The following ABCC6 variants were observed in gnomAD, a reference collection of about 807,000 sequenced individuals.
ABCC6 encodes ATP binding cassette subfamily C member 6.
In ABCC6, 126 loss-of-function variants were observed where a neutral mutation model predicts 169.5. The ratio of observed to expected loss-of-function variants is 0.74; its 90% CI spans 0.64 to 0.86. The LOEUF (loss-of-function observed/expected upper bound fraction) is 0.86. Among genes scored for constraint, ABCC6 ranks in the 40% least tolerant of loss-of-function variants. The probability of loss-of-function intolerance (pLI) is 0.00; values close to 1 mark genes in which losing one functional copy is unlikely to be tolerated. For synonymous variants in ABCC6, 752 were observed against 814.7 expected (o/e 0.92, Z 1.31); for missense variants, 1,733 against 1,927.2 (o/e 0.90, Z 1.89).
chr16:16,182,755 G>A, intron 16 of ABCC6, 49 bp downstream of exon 16: 1 of 1,612,172 alleles, frequency 6.2e-7, no homozygotes. Context: ...GAGGAAGTGG[G>A]ACTTTCAGGA....
Position 16,173,308 on chromosome 16 carries a change from T to C in ABCC6, c.2763A>G (p.Gly921=). The part of the protein sequence containing the change: ...DDPDRAGWPA[G]KDSIQYGRVK... ...CCCTGCCGTATTGGATGCTGTCCTT[T>C]CCTGCTGGCCATCCTGCCCTGTCAG... The change falls in exon 21 of 31, where the codon GGA becomes GGG. Residue 921 remains glycine (G), a synonymous_variant. Coordinates refer to ENST00000205557, the MANE Select transcript of ABCC6 (RefSeq NM_001171.6). 6.2e-7 allele frequency: 1 copy of C among 1,614,078 alleles called. No individual in the cohort carries two copies. Among genetic ancestry groups the C allele is most frequent in the Non-Finnish European group, 8.5e-7 (1 of 1,180,024 alleles).
chr16:16,155,319 C>T, intron 27 of ABCC6: 1 of 541,480 alleles, frequency 1.8e-6, no homozygotes, highest in Non-Finnish European at 3.3e-6. Context: ...TCTATTTACA[C>T]CTCTCCATCA....
intron 26 of ABCC6, among the ~76,000 whole-genome samples, chr16:16,158,678 TTGC>T (rs1235502311): frequency 6.6e-6 from 1 of 152,254 alleles, no homozygotes; most frequent in Non-Finnish European, 1.5e-5. Context: ...TACTGTTATG[TTGC>T]TGGAATTTTG....
chr16:16,183,307 C>T (rs142739312), intron 15 of ABCC6, among the ~76,000 whole-genome samples: 190 of 152,282 alleles, frequency 1.2e-3, no homozygotes, highest in African/African-American at 4.3e-3. Context: ...ACAGGGTTGA[C>T]TATAGCCTGA....
intron 14 of ABCC6, among the ~76,000 whole-genome samples, chr16:16,186,588 G>A (rs2047659550): frequency 6.6e-6 from 1 of 150,636 alleles, no homozygotes; most frequent in Non-Finnish European, 1.5e-5. Context: ...TCTGGGTTGC[G>A]TGTTCCTTAT....
In ABCC6 at chr16:16,159,484, C is replaced by T. The variant is rs2046645244; in HGVS notation, c.3733G>A (p.Glu1245Lys). ...RMQDYAWTPK[E>K]APWRLPTCAA... is the part of the protein sequence containing the mutation. ...CCTCCCCACCTCCCGCCCATCACCT[C>T]CTTGGGCGTCCAGGCATAGTCCTGC... is the stretch of plus-strand genomic sequence containing the variant. The change falls in exon 26 of 31, where the codon GAG (glutamate) becomes AAG (lysine). Residue 1245 changes from glutamate to lysine, a missense_variant and splice_region_variant. Coordinates refer to ENST00000205557, the MANE Select transcript of ABCC6 (RefSeq NM_001171.6). 1 of 1,613,944 alleles carries T rather than the reference C, an allele frequency of 6.2e-7. No individual in the cohort carries two copies.
At chr16:16,152,905 T>G (rs2856583) in intron 29 of ABCC6, among the ~76,000 whole-genome samples, 1 of 127,490 alleles carries the variant, frequency 7.8e-6, no homozygotes, top group Non-Finnish European at 1.8e-5. Context: ...GGTTTTTTTT[T>G]GTTTTTTTTG....
At chr16:16,207,682 A>G (rs920437911) in intron 7 of ABCC6, among the ~76,000 whole-genome samples, 2 of 152,248 alleles carry the variant, frequency 1.3e-5, no homozygotes, top group Non-Finnish European at 2.9e-5. Context: ...TAAAACACCA[A>G]GATCCGGTGA....
At chr16:16,199,838 C>T (rs1488001844) in intron 9 of ABCC6, among the ~76,000 whole-genome samples, 4 of 149,436 alleles carry the variant, frequency 2.7e-5, no homozygotes, top group African/African-American at 7.3e-5. Context: ...GAGGCTGAGG[C>T]GGGTGGATTG....
At chr16:16,215,181 C>G (rs1230910762) in intron 4 of ABCC6, among the ~76,000 whole-genome samples, 1 of 152,186 alleles carries the variant, frequency 6.6e-6, no homozygotes. Context: ...TGACCCTGCC[C>G]TGAGCACATG....
At position 16,159,092 on chromosome 16, in the gene ABCC6, A is replaced by T. The variant is rs116988424; in HGVS notation, c.3735+390T>A. On this transcript the variant is annotated intron_variant, in intron 26 of 30. Transcript: ENST00000205557. ...ATTCTGGTACTGCAATATTGTGGTT[A>T]TGTTGCTGTTACATTACTGTTACAT... Among the ~76,000 whole-genome samples the T allele has an allele frequency of 1.2e-4, 19 of 152,234 alleles. No homozygotes were observed. In the East Asian group the frequency reaches 3.3e-3, roughly 26 times the overall value.
At chr16:16,188,449 C>T (rs139650392) in intron 13 of ABCC6, among the ~76,000 whole-genome samples, 1,592 of 152,066 alleles carry the variant, frequency 0.01, 14 homozygotes, top group Non-Finnish European at 0.017. Context: ...TCAGGTATGC[C>T]GCCGTTTCTT....
chr16:16,199,474 C>T lies in ABCC6; in HGVS notation c.1177-1292G>A, dbSNP rs763203230. ...AGACCTTTCATGTGCTTCTGTGACA[C>T]CAACCTGGTTCTCTGGCAGCCTCAC... On this transcript the variant is annotated intron_variant, in intron 9 of 30. Transcript: ENST00000205557. Among the ~76,000 whole-genome samples the T allele has an allele frequency of 1.9e-4, 24 of 127,410 alleles. 6 individuals carry two copies. Among genetic ancestry groups the T allele is most frequent in the Non-Finnish European group, 3.3e-4 (18 of 54,950 alleles). The allele number at this position is 127,410 out of a possible 152,430, so 83.6% of individuals were successfully genotyped here.
Position 16,159,943 on chromosome 16 carries a change from C to T in ABCC6, c.3634-360G>A, listed in dbSNP as rs1018633023. ...TTCCATTCTGACGGCTTTCTCGCAG[C>T]GACTGGGTGGCCACCAATTTCCCAT... On this transcript the variant is annotated intron_variant, in intron 25 of 30. Coordinates refer to ENST00000205557, the MANE Select transcript of ABCC6 (RefSeq NM_001171.6). Among the ~76,000 whole-genome samples the T allele has an allele frequency of 3.9e-5, 6 of 152,230 alleles. No individual in the cohort carries two copies. In the South Asian group the frequency reaches 6.2e-4, roughly 16 times the overall value.
At position 16,212,242 on chromosome 16, in the gene ABCC6, G is replaced by C. The variant is rs1380082105; in HGVS notation, c.605C>G (p.Pro202Arg). Residue 202 changes from proline to arginine, a missense_variant, in exon 6 of 31, where the codon CCC (proline) becomes CGC (arginine). This residue lies in a region of ABCC6 where 49 missense variants were observed against 85.8 expected (regional missense o/e 0.57). Transcript: ENST00000205557. ...FFPEDPQQSN[P>R]CPETGAAFPS... ...GAAGGCTGCCCCAGTCTCTGGACAG[G>C]GGTTCTGCAACAGACAAAAATGGAG... 2 of 858,842 alleles carry C rather than the reference G, an allele frequency of 2.3e-6. No homozygotes were observed. The highest frequency in any genetic ancestry group is 2.0e-6 in the Non-Finnish European group (1 of 507,924). 53.2% of individuals were successfully genotyped at this position (858,842 alleles called of 1,614,324 possible). A position where few individuals can be genotyped will look rare whatever the true frequency, so the allele number is the denominator to read the frequency against.
chr16:16,158,493 C>A (rs1398815710), intron 26 of ABCC6, among the ~76,000 whole-genome samples: 1 of 152,078 alleles, frequency 6.6e-6, no homozygotes, highest in African/African-American at 2.4e-5. Context: ...TTCTTCCATC[C>A]CATTCCATCC....
intron 7 of ABCC6, among the ~76,000 whole-genome samples, chr16:16,203,858 T>A (rs1035280476): frequency 6.6e-6 from 1 of 152,064 alleles, no homozygotes; most frequent in African/African-American, 2.4e-5. Context: ...AGCACACCTG[T>A]TGAGCACCTA....
At chr16:16,178,707 G>T in intron 18 of ABCC6, 91 bp downstream of exon 18, 2 of 1,432,840 alleles carry the variant, frequency 1.4e-6, no homozygotes, top group Non-Finnish European at 2.0e-6. Flanking sequence ...CAAGTGGAAG[G>T]GGGAGGTGAG....
rs574346053 is a variant in ABCC6 at position 16,190,065 on chromosome 16, G to A, written c.1635+99C>T. 33 of 1,278,188 alleles carry A rather than the reference G, an allele frequency of 2.6e-5. No homozygotes were observed. The South Asian group carries it at 2.9e-4, about 11-fold the overall frequency. 79.2% of individuals were successfully genotyped at this position (1,278,188 alleles called of 1,614,324 possible). ...CCAGAATGAGTGGGTTTTGATGGACGGGGTGGTAGGATCTGGGGGGCTCCA... is the reference window on the plus strand; with the variant it reads ...CCAGAATGAGTGGGTTTTGATGGACAGGGTGGTAGGATCTGGGGGGCTCCA... On this transcript the variant is annotated intron_variant, in intron 12 of 30. Transcript: ENST00000205557.
Sources: allele counts gnomAD v4.1 joint callset (sites outside exome capture counted in the v4.1 genomes callset), GRCh38; gene constraint gnomAD v4.1.1; regional missense constraint gnomAD v4.1.1; transcripts MANE v1.5; gene names NCBI Gene and HGNC (gene_info 2026-07-23, HGNC 2026-07-21).